Variants in GLT8D2 observed in about 807,000 individuals in gnomAD.
The protein encoded by GLT8D2 is glycosyltransferase 8 domain-containing protein 2.
GLT8D2 carries 45 observed loss-of-function variants against 44.5 expected under a neutral mutation model. That is an observed-to-expected ratio of 1.01 (90% CI 0.80 to 1.30). GLT8D2 has a LOEUF of 1.30. Among genes scored for constraint, GLT8D2 ranks in the 50% most tolerant of loss-of-function variants. The pLI is 0.00. For synonymous variants in GLT8D2, 156 were observed against 157.2 expected, an observed-to-expected ratio of 0.99 and a Z score of 0.06; for missense variants, 400 against 430.4, an observed-to-expected ratio of 0.93 and a Z score of 0.62.
At chr12:104,007,272 G>A (rs111947648) in intron 4 of GLT8D2, among the ~76,000 whole-genome samples, 260 of 26,828 alleles carry the variant, frequency 9.7e-3, no homozygotes, top group African/African-American at 0.028. Context: ...CTCTCCCCCC[G>A]CTCTCTCCAC....
At chr12:104,061,052 G>C (rs1215687276) in intron 1 of GLT8D2, among the ~76,000 whole-genome samples, 1 of 152,238 alleles carries the variant, frequency 6.6e-6, no homozygotes, top group Non-Finnish European at 1.5e-5. Flanking sequence ...GCCACCAGAA[G>C]CTAGAAAGAG....
chr12:104,030,027 T>C (rs1025075510), intron 1 of GLT8D2, among the ~76,000 whole-genome samples: 18 of 151,768 alleles, frequency 1.2e-4, no homozygotes, highest in Admixed American at 5.9e-4. Context: ...AGCCCCCAAA[T>C]AACTGAAGCA....
upstream of GLT8D2, among the ~76,000 whole-genome samples, chr12:104,051,471 C>T (rs1010969498): frequency 6.6e-6 from 1 of 151,950 alleles, no homozygotes; most frequent in African/African-American, 2.4e-5. Flanking sequence ...TGTTTTGATA[C>T]ATATTCATGT....
intron 1 of GLT8D2, among the ~76,000 whole-genome samples, chr12:104,063,335 G>A (rs1453262268): frequency 6.6e-6 from 1 of 151,988 alleles, no homozygotes; most frequent in Non-Finnish European, 1.5e-5. Flanking sequence ...TATTCCTAAT[G>A]GACTTGTGTG....
At chr12:104,042,491 C>T (rs566612831) in intron 1 of GLT8D2, among the ~76,000 whole-genome samples, 1 of 152,256 alleles carries the variant, frequency 6.6e-6, no homozygotes, top group East Asian at 1.9e-4. Context: ...AAAGACATTC[C>T]AGTAGATTAA....
chr12:104,019,523 G>T, intron 3 of GLT8D2, 107 bp downstream of exon 3: 1 of 893,624 alleles, frequency 1.1e-6, no homozygotes, highest in South Asian at 1.6e-5. Context: ...AACTATCCAT[G>T]AAAATCAAAC....
At chr12:104,060,149 C>T (rs1019785711) in intron 1 of GLT8D2, among the ~76,000 whole-genome samples, 1 of 152,140 alleles carries the variant, frequency 6.6e-6, no homozygotes, top group African/African-American at 2.4e-5. Context: ...TCTATGAAAC[C>T]CTCTTTGCCT....
intron 7 of GLT8D2, among the ~76,000 whole-genome samples, chr12:103,997,116 G>C (rs916226807): frequency 6.6e-6 from 1 of 152,176 alleles, no homozygotes; most frequent in African/African-American, 2.4e-5. Context: ...TGTAGTGGAA[G>C]AGATAGAACA....
intron 4 of GLT8D2, among the ~76,000 whole-genome samples, chr12:104,008,318 C>G (rs1283912754): frequency 6.6e-6 from 1 of 152,134 alleles, no homozygotes; most frequent in African/African-American, 2.4e-5. Flanking sequence ...TTGTTGGGAA[C>G]TGGAACAAAG....
intron 8 of GLT8D2, among the ~76,000 whole-genome samples, chr12:103,995,564 CCT>C (rs1873308222): frequency 6.6e-6 from 1 of 152,240 alleles, no homozygotes; most frequent in Admixed American, 6.5e-5. Context: ...CCACCCCAAT[CCT>C]CTGTTAAATA....
chr12:104,053,935 T>C (rs1881948880), upstream of GLT8D2, among the ~76,000 whole-genome samples: 1 of 152,148 alleles, frequency 6.6e-6, no homozygotes, highest in South Asian at 2.1e-4. Flanking sequence ...TGTAATTGAT[T>C]TTATTGAATA....
intron 9 of GLT8D2, 45 bp from the exon 10 acceptor site, chr12:103,993,549 C>A (rs536557830): frequency 7.8e-7 from 1 of 1,280,226 alleles, no homozygotes; most frequent in Non-Finnish European, 1.1e-6. Context: ...GGAGCCCCCA[C>A]AAACTCAGAT....
chr12:104,012,189 AATAT>A (rs71069712), intron 4 of GLT8D2, among the ~76,000 whole-genome samples: 3,084 of 98,272 alleles, frequency 0.031, 92 homozygotes, highest in Middle Eastern at 0.054. Context: ...AAAAAAAAAA[AATAT>A]ATATATATAT....
intron 4 of GLT8D2, among the ~76,000 whole-genome samples, chr12:104,012,195 T>TAA (rs1875955777): frequency 8.4e-6 from 1 of 119,756 alleles, no homozygotes; most frequent in Non-Finnish European, 1.8e-5. Flanking sequence ...AAAAAATATA[T>TAA]ATATATATAT....
chr12:104,024,356 C>T (rs759818168), intron 1 of GLT8D2, among the ~76,000 whole-genome samples: 16 of 152,074 alleles, frequency 1.1e-4, no homozygotes, highest in Non-Finnish European at 1.6e-4. Context: ...ATTGTTTGAG[C>T]CTGGAGGTCG....
At chr12:104,008,983 G>T (rs1488991763) in intron 4 of GLT8D2, among the ~76,000 whole-genome samples, 2 of 152,268 alleles carry the variant, frequency 1.3e-5, no homozygotes, top group African/African-American at 4.8e-5. Flanking sequence ...CCAGGCAGAA[G>T]TTTGCTGCAG....
intron 1 of GLT8D2, among the ~76,000 whole-genome samples, chr12:104,034,424 G>A (rs1314486815): frequency 6.6e-6 from 1 of 152,226 alleles, no homozygotes; most frequent in Non-Finnish European, 1.5e-5. Flanking sequence ...GGAAAAACGG[G>A]ACACTCCCAC....
At chr12:104,051,451 AAATTT>A (rs1437307262), upstream of GLT8D2, among the ~76,000 whole-genome samples, 11 of 152,202 alleles carry the variant, frequency 7.2e-5, no homozygotes, top group African/African-American at 1.9e-4. Context: ...TTTTGTCTTT[AAATTT>A]AATTTGTTTT....
intron 1 of GLT8D2, chr12:104,030,933 T>A: frequency 6.8e-7 from 1 of 1,481,478 alleles, no homozygotes; most frequent in Non-Finnish European, 9.3e-7. Flanking sequence ...GGCTATGAGT[T>A]TGACATCTGC....
Sources: gnomAD v4.1 joint callset for allele counts (sites outside exome capture counted in the v4.1 genomes callset) on GRCh38, gnomAD v4.1.1 for gene constraint, MANE v1.5 for transcripts, NCBI Gene and HGNC (gene_info 2026-07-23, HGNC 2026-07-21) for gene names.